The following PPP3CA variants were observed in gnomAD, a reference collection of about 807,000 sequenced individuals.
PPP3CA encodes CAM-PRP catalytic subunit.
Under a neutral mutation model 66.5 loss-of-function variants are expected in PPP3CA, and 14 were observed. That is an observed-to-expected ratio of 0.21 (90% CI 0.14 to 0.33). The LOEUF is 0.33. Among genes scored for constraint, PPP3CA ranks in the 10% least tolerant of loss-of-function variants. The pLI, the probability that PPP3CA is intolerant of heterozygous loss-of-function variation, is 1.00. For missense variants in PPP3CA, 317 were observed against 639.5 expected, an observed-to-expected ratio of 0.50 and a Z score of 5.44; for synonymous variants, 232 against 226.2, an observed-to-expected ratio of 1.03 and a Z score of -0.23.
intron 1 of PPP3CA, among the ~76,000 whole-genome samples, chr4:101,270,340 T>C (rs1036388918): frequency 6.6e-6 from 1 of 152,094 alleles, no homozygotes; most frequent in Non-Finnish European, 1.5e-5. Flanking sequence ...TCACAAGGCA[T>C]ACAGCGATGT....
intron 11 of PPP3CA, among the ~76,000 whole-genome samples, chr4:101,032,808 G>GA (rs1414414738): frequency 1.3e-5 from 2 of 151,860 alleles, no homozygotes; most frequent in South Asian, 2.1e-4. Context: ...TATGGAGATT[G>GA]AAAAAAAATC....
In PPP3CA at chr4:101,346,722, C is replaced by CG. The variant is rs1560730672; in HGVS notation, c.58+16dup. On this transcript the variant is annotated intron_variant, in intron 1 of 13. Coordinates refer to ENST00000394854, the MANE Select transcript of PPP3CA (RefSeq NM_000944.5). Reference sequence around the variant, plus strand: ...GCGGCACACGGTGCACCCAGGCCACCGCGGCGCTCCGCTTACCTTTCACCA... The same window carrying CG: ...GCGGCACACGGTGCACCCAGGCCACCGGCGGCGCTCCGCTTACCTTTCACCA... 1 of 1,608,064 alleles carries CG rather than the reference C, an allele frequency of 6.2e-7. No individual in the cohort carries two copies. The highest frequency in any genetic ancestry group is 8.5e-7 in the Non-Finnish European group (1 of 1,177,664).
intron 7 of PPP3CA, among the ~76,000 whole-genome samples, chr4:101,081,390 CAG>C (rs1411445276): frequency 1.3e-5 from 2 of 152,120 alleles, no homozygotes; most frequent in East Asian, 1.9e-4. Context: ...AGTAATGAAA[CAG>C]AACATGCACA....
In PPP3CA at chr4:101,032,232, C is replaced by A; in HGVS notation, c.1339+35G>T. The A allele has an allele frequency of 2.1e-6, 3 of 1,454,536 alleles. No individual in the cohort carries two copies. The South Asian group carries it at 4.0e-5, about 19-fold the overall frequency. 90.1% of individuals were successfully genotyped at this position (1,454,536 alleles called of 1,614,324 possible). A position where few individuals can be genotyped will look rare whatever the true frequency, so the allele number is the denominator to read the frequency against. Reference sequence around the variant, plus strand: ...TCTAATGACACAGCTGACTGCGATGCCCCAGCACACAGTCATACCCATCAG... The same window carrying A: ...TCTAATGACACAGCTGACTGCGATGACCCAGCACACAGTCATACCCATCAG... On this transcript the variant is annotated intron_variant, in intron 12 of 13. Transcript: ENST00000394854.
intron 8 of PPP3CA, among the ~76,000 whole-genome samples, chr4:101,065,985 T>C (rs954816502): frequency 3.3e-5 from 5 of 152,154 alleles, no homozygotes; most frequent in Non-Finnish European, 7.4e-5. Flanking sequence ...ATCTGATATA[T>C]GCCAGGCATT....
At chr4:101,214,876 T>G (rs185500281) in intron 1 of PPP3CA, among the ~76,000 whole-genome samples, 1 of 152,236 alleles carries the variant, frequency 6.6e-6, no homozygotes, top group Admixed American at 6.5e-5. Flanking sequence ...TGCCTATAAT[T>G]AGCGAGGTCA....
At chr4:101,313,166 C>G (rs186832478) in intron 1 of PPP3CA, among the ~76,000 whole-genome samples, 1 of 151,846 alleles carries the variant, frequency 6.6e-6, no homozygotes, top group Non-Finnish European at 1.5e-5. Flanking sequence ...GTTTTTAATA[C>G]CACAAAACTG....
intron 1 of PPP3CA, among the ~76,000 whole-genome samples, chr4:101,243,651 C>T (rs1726384479): frequency 1.3e-5 from 2 of 152,098 alleles, no homozygotes; most frequent in Admixed American, 1.3e-4. Context: ...GCAAATACTA[C>T]CCCATTTTAT....
intron 1 of PPP3CA, among the ~76,000 whole-genome samples, chr4:101,303,574 T>C (rs1728445211): frequency 6.6e-6 from 1 of 152,186 alleles, no homozygotes; most frequent in Non-Finnish European, 1.5e-5. Context: ...AATCCAAAAA[T>C]GTTTCACTGA....
At chr4:101,102,054 C>T (rs372316893) in intron 3 of PPP3CA, among the ~76,000 whole-genome samples, 90 of 152,240 alleles carry the variant, frequency 5.9e-4, no homozygotes, top group African/African-American at 2.1e-3. Flanking sequence ...ACTGAAACCT[C>T]AAAGCGGGAT....
chr4:101,177,083 G>A (rs1054273313), intron 2 of PPP3CA, among the ~76,000 whole-genome samples: 1 of 152,104 alleles, frequency 6.6e-6, no homozygotes, highest in Non-Finnish European at 1.5e-5. Flanking sequence ...GTTTCATTAC[G>A]TTAACGACAG....
chr4:101,109,952 G>A (rs546734497), intron 2 of PPP3CA, among the ~76,000 whole-genome samples: 1 of 152,218 alleles, frequency 6.6e-6, no homozygotes, highest in African/African-American at 2.4e-5. Flanking sequence ...ATATAGCTTA[G>A]AGAGGTTATG....
intron 2 of PPP3CA, among the ~76,000 whole-genome samples, chr4:101,151,128 G>A (rs1344211514): frequency 2.0e-5 from 3 of 152,090 alleles, no homozygotes; most frequent in Non-Finnish European, 4.4e-5. Context: ...TTTTTATAAA[G>A]TGCTACTTCA....
intron 2 of PPP3CA, among the ~76,000 whole-genome samples, chr4:101,111,766 G>A (rs1721678304): frequency 6.6e-6 from 1 of 152,084 alleles, no homozygotes; most frequent in Non-Finnish European, 1.5e-5. Context: ...ACATTATTGG[G>A]CTATTGTAAG....
intron 1 of PPP3CA, among the ~76,000 whole-genome samples, chr4:101,223,120 G>A (rs1366443749): frequency 6.6e-6 from 1 of 151,708 alleles, no homozygotes; most frequent in Non-Finnish European, 1.5e-5. Context: ...CCCCCATGAA[G>A]AAATGAACTA....
chr4:101,308,522 T>G (rs562508928), intron 1 of PPP3CA, among the ~76,000 whole-genome samples: 1 of 152,290 alleles, frequency 6.6e-6, no homozygotes, highest in East Asian at 1.9e-4. Context: ...CATAGCTCTC[T>G]GCAGCCTCCA....
chr4:101,199,220 G>A (rs1724895201), intron 1 of PPP3CA, among the ~76,000 whole-genome samples: 1 of 152,134 alleles, frequency 6.6e-6, no homozygotes, highest in Admixed American at 6.5e-5. Flanking sequence ...CAAATACTGA[G>A]CAAAAACTAT....
chr4:101,056,436 T>A (rs1434275118), intron 10 of PPP3CA, among the ~76,000 whole-genome samples: 1 of 152,136 alleles, frequency 6.6e-6, no homozygotes, highest in Non-Finnish European at 1.5e-5. Flanking sequence ...ATGAGGAGCA[T>A]CTCTAAATTG....
chr4:101,119,214 C>T (rs920684230), intron 2 of PPP3CA, among the ~76,000 whole-genome samples: 2 of 151,882 alleles, frequency 1.3e-5, no homozygotes, highest in Admixed American at 1.3e-4. Context: ...TGTATGCTAT[C>T]ATATATTGAA....
Sources: allele counts gnomAD v4.1 joint callset (sites outside exome capture counted in the v4.1 genomes callset), GRCh38; gene constraint gnomAD v4.1.1; transcripts MANE v1.5; gene names NCBI Gene and HGNC (gene_info 2026-07-23, HGNC 2026-07-21).